ATRNL1: variants seen among roughly 807,000 people sequenced by gnomAD.
ATRNL1 encodes attractin like 1.
A neutral mutation model predicts 182.7 loss-of-function variants in ATRNL1; 95 were observed. That is an observed-to-expected ratio of 0.52 (90% CI 0.44 to 0.62). The LOEUF (loss-of-function observed/expected upper bound fraction) is 0.62. ATRNL1 is among the 20% of genes least tolerant of loss of function. ATRNL1 has a pLI of 0.00. For synonymous variants in ATRNL1, 576 were observed against 568.3 expected (o/e 1.01, Z -0.19); for missense variants, 1,471 against 1,679.5 (o/e 0.88, Z 2.17).
At chr10:115,682,440 T>C (rs189440850) in intron 26 of ATRNL1, among the ~76,000 whole-genome samples, 1 of 152,064 alleles carries the variant, frequency 6.6e-6, no homozygotes, top group African/African-American at 2.4e-5. Flanking sequence ...GGGGGGCTGG[T>C]ACAGGAGAAT....
rs782508057 is a variant in ATRNL1, at chr10:115,215,868, A to G, written c.1520A>G (p.Asn507Ser). ...LVDDLYKYEV[N>S]TKTWTILKES... ...GATGATCTTTATAAATATGAAGTTA[A>G]CACTAAGACTTGGTGAGTACACAAA... The change falls in exon 9 of 29, where the codon AAC becomes AGC. Residue 507 changes from asparagine (N) to serine (S), a missense_variant. Around this residue, in one of 3 missense-constraint regions of ATRNL1, gnomAD observed 1,031 missense variants for 1,156.0 expected, o/e 0.89. Coordinates refer to ENST00000355044, the MANE Select transcript of ATRNL1 (RefSeq NM_207303.4). 7 of 1,563,014 alleles carry G rather than the reference A, an allele frequency of 4.5e-6. No homozygotes were observed. In the East Asian group the frequency reaches 1.6e-4, roughly 37 times the overall value.
In ATRNL1 at chr10:115,532,344, C is replaced by T. The variant is rs539286195; in HGVS notation, c.3716+13020C>T. Among the ~76,000 whole-genome samples, 549 of 152,226 alleles carry T rather than the reference C, an allele frequency of 3.6e-3. 5 individuals carry two copies. The highest frequency in any genetic ancestry group is 0.012 in the African/African-American group (514 of 41,538). On this transcript the variant is annotated intron_variant, in intron 25 of 28. Transcript: ENST00000355044. ...TAGTTCTCCTTGAAGAGGTCCTTCA[C>T]ATCCCTTGTAAGTTGGATTCCTAGG...
intron 28 of ATRNL1, among the ~76,000 whole-genome samples, chr10:115,881,718 C>T (rs1280932129): frequency 6.6e-6 from 1 of 152,168 alleles, no homozygotes; most frequent in Non-Finnish European, 1.5e-5. Flanking sequence ...ATGTTCATTT[C>T]GTAAATGTGG....
chr10:115,837,466 C>CCACACACA (rs71010052), intron 27 of ATRNL1, among the ~76,000 whole-genome samples: 10 of 135,052 alleles, frequency 7.4e-5, no homozygotes, highest in Middle Eastern at 3.6e-3. Flanking sequence ...GCTTCCCAAG[C>CCACACACA]CACACACACA....
chr10:115,317,092 A>G (rs1407519954), intron 18 of ATRNL1, among the ~76,000 whole-genome samples: 2 of 152,256 alleles, frequency 1.3e-5, no homozygotes, highest in South Asian at 2.1e-4. Flanking sequence ...TAATTTTTAT[A>G]TAAGGTGTAA....
intron 28 of ATRNL1, among the ~76,000 whole-genome samples, chr10:115,915,743 G>A (rs1952830427): frequency 6.6e-6 from 1 of 152,186 alleles, no homozygotes; most frequent in Admixed American, 6.5e-5. Flanking sequence ...GAGTGAGGAG[G>A]TAGATTTTGA....
chr10:115,096,215 C>G (rs934960475), intron 1 of ATRNL1, among the ~76,000 whole-genome samples: 5 of 152,036 alleles, frequency 3.3e-5, no homozygotes, highest in Non-Finnish European at 7.4e-5. Context: ...TCATTGTACT[C>G]TATTGGGTAA....
intron 15 of ATRNL1, among the ~76,000 whole-genome samples, chr10:115,293,620 C>A (rs1180826480): frequency 1.3e-5 from 2 of 152,078 alleles, no homozygotes; most frequent in Non-Finnish European, 2.9e-5. Context: ...AGATGTTAGG[C>A]TCCTTTGAGC....
chr10:115,561,688 T>TGTGTGG (rs368775836), intron 26 of ATRNL1, among the ~76,000 whole-genome samples: 9 of 116,154 alleles, frequency 7.7e-5, no homozygotes, highest in Non-Finnish European at 1.1e-4. Context: ...TGTGTGTGTG[T>TGTGTGG]GGGTGTGTGT....
chr10:115,209,253 C>T (rs1554894452), intron 8 of ATRNL1, among the ~76,000 whole-genome samples: 1 of 151,372 alleles, frequency 6.6e-6, no homozygotes, highest in Non-Finnish European at 1.5e-5. Flanking sequence ...TTTCTCTTTA[C>T]TTCCTACATC....
chr10:115,832,741 C>A (rs1327619266), intron 27 of ATRNL1, among the ~76,000 whole-genome samples: 1 of 152,184 alleles, frequency 6.6e-6, no homozygotes, highest in Non-Finnish European at 1.5e-5. Context: ...ACTGATTTAT[C>A]CATTCTCTAA....
intron 28 of ATRNL1, among the ~76,000 whole-genome samples, chr10:115,943,603 TAC>T (rs1222776036): frequency 2.6e-5 from 3 of 114,028 alleles, no homozygotes. Context: ...CACTGTGAAA[TAC>T]AGTTTGGCTT....
chr10:115,206,077 T>C (rs1188912239), intron 8 of ATRNL1, among the ~76,000 whole-genome samples: 1 of 152,110 alleles, frequency 6.6e-6, no homozygotes, highest in African/African-American at 2.4e-5. Context: ...CCGTGTAGGA[T>C]ATTTCTGTTG....
At chr10:115,299,770 A>T (rs1853382258) in intron 15 of ATRNL1, among the ~76,000 whole-genome samples, 1 of 152,162 alleles carries the variant, frequency 6.6e-6, no homozygotes. Flanking sequence ...ATAGAAGAGT[A>T]AACTGAGGTT....
intron 24 of ATRNL1, among the ~76,000 whole-genome samples, chr10:115,499,255 C>A (rs1383536298): frequency 6.6e-6 from 1 of 152,098 alleles, no homozygotes; most frequent in Non-Finnish European, 1.5e-5. Flanking sequence ...CTTCAAGAAA[C>A]TAACTGAAGA....
intron 28 of ATRNL1, among the ~76,000 whole-genome samples, chr10:115,934,251 A>C (rs1589714108): frequency 6.6e-6 from 1 of 152,242 alleles, no homozygotes; most frequent in South Asian, 2.1e-4. Context: ...TGAGAAACAA[A>C]CTTCGATTTT....
chr10:115,397,477 C>A (rs1345246227), intron 20 of ATRNL1, among the ~76,000 whole-genome samples: 9 of 151,774 alleles, frequency 5.9e-5, no homozygotes, highest in African/African-American at 2.2e-4. Context: ...TGTCTGTGTC[C>A]TTTACTAGAG....
At chr10:115,692,875 G>T (rs1039146979) in intron 26 of ATRNL1, among the ~76,000 whole-genome samples, 15 of 151,910 alleles carry the variant, frequency 9.9e-5, no homozygotes, top group Admixed American at 2.6e-4. Context: ...ATTATCATTT[G>T]GCCACAGATA....
intron 26 of ATRNL1, among the ~76,000 whole-genome samples, chr10:115,602,427 T>C (rs547623297): frequency 6.0e-4 from 74 of 123,962 alleles, no homozygotes; most frequent in Non-Finnish European, 8.2e-4. Context: ...TTTGGGATTT[T>C]TTTGTTTACA....
Sources: allele counts gnomAD v4.1 joint callset (sites outside exome capture counted in the v4.1 genomes callset), GRCh38; gene constraint gnomAD v4.1.1; regional missense constraint gnomAD v4.1.1; transcripts MANE v1.5; gene names NCBI Gene and HGNC (gene_info 2026-07-23, HGNC 2026-07-21).